SOS1: variants seen among roughly 807,000 people sequenced by gnomAD.
SOS1 encodes the protein son of sevenless homolog 1.
SOS1 carries 25 observed loss-of-function variants against 157.6 expected under a neutral mutation model. The observed-to-expected ratio is 0.16, with a 90% CI of 0.12 to 0.22. The LOEUF (loss-of-function observed/expected upper bound fraction) is 0.22. Among genes scored for constraint, SOS1 ranks in the 10% least tolerant of loss-of-function variants. SOS1 has a pLI of 1.00. For missense variants in SOS1, 1,237 were observed against 1,599.1 expected (o/e 0.77, Z 3.86); for synonymous variants, 528 against 534.0 (o/e 0.99, Z 0.16).
At chr2:39,046,231 A>C (rs1670778837) in intron 6 of SOS1, among the ~76,000 whole-genome samples, 1 of 152,098 alleles carries the variant, frequency 6.6e-6, no homozygotes, top group Non-Finnish European at 1.5e-5. Flanking sequence ...TATAAGCTAC[A>C]GGTAGTATTT....
intron 2 of SOS1, among the ~76,000 whole-genome samples, chr2:39,062,434 TTAA>T: frequency 5.6e-5 from 1 of 17,822 alleles, no homozygotes; most frequent in African/African-American, 2.1e-4. Flanking sequence ...AAAAAAAAAA[TTAA>T]AAAAAAAAAG....
intron 6 of SOS1, among the ~76,000 whole-genome samples, chr2:39,039,330 A>AT (rs923158404): frequency 6.6e-6 from 1 of 152,160 alleles, no homozygotes; most frequent in Non-Finnish European, 1.5e-5. Context: ...ATGCATGAAT[A>AT]TTTTTTAGAG....
intron 8 of SOS1, among the ~76,000 whole-genome samples, chr2:39,032,623 A>G (rs1270608436): frequency 6.6e-6 from 1 of 152,180 alleles, no homozygotes; most frequent in Non-Finnish European, 1.5e-5. Context: ...TAAGGCAGAC[A>G]ATAAAAATGG....
At chr2:39,052,859 A>G (rs1671070311) in intron 5 of SOS1, among the ~76,000 whole-genome samples, 1 of 152,196 alleles carries the variant, frequency 6.6e-6, no homozygotes, top group South Asian at 2.1e-4. Flanking sequence ...TGTTATAAAG[A>G]ACTGCCAAAC....
intron 1 of SOS1, among the ~76,000 whole-genome samples, chr2:39,080,037 C>T (rs1028621819): frequency 6.6e-6 from 1 of 151,912 alleles, no homozygotes; most frequent in East Asian, 1.9e-4. Context: ...AGGATGGTTT[C>T]GGGATGATTC....
chr2:39,091,201 G>A (rs553037443), intron 1 of SOS1, among the ~76,000 whole-genome samples: 5 of 152,086 alleles, frequency 3.3e-5, no homozygotes, highest in Non-Finnish European at 7.4e-5. Context: ...CCTCTCAGGT[G>A]GGACCAACAC....
Position 39,098,328 on chromosome 2 carries a change from A to G in SOS1, c.87+22008T>C, listed in dbSNP as rs145304412. ...TCCAACATCTACTGTTGCTTACAAT[A>G]CTTTTCCTTGAGATTTTTCTGGAAG... On this transcript the variant is annotated intron_variant, in intron 1 of 22. Coordinates refer to ENST00000402219, the MANE Select transcript of SOS1 (RefSeq NM_005633.4). 8.0e-3 allele frequency: 2,070 copies of G among 259,984 alleles called. 11 individuals are homozygous for G. The highest frequency in any genetic ancestry group is 0.015 in the Middle Eastern group (19 of 1,292). 16.1% of individuals were successfully genotyped at this position (259,984 alleles called of 1,614,324 possible).
intron 1 of SOS1, among the ~76,000 whole-genome samples, chr2:39,069,126 A>C (rs1236535108): frequency 2.1e-5 from 3 of 141,232 alleles, no homozygotes; most frequent in African/African-American, 7.6e-5. Flanking sequence ...AAGGAGGAAC[A>C]CTTAAGGCCA....
intron 1 of SOS1, among the ~76,000 whole-genome samples, chr2:39,118,055 G>A (rs748182119): frequency 2.2e-4 from 34 of 152,158 alleles, no homozygotes; most frequent in Non-Finnish European, 4.6e-4. Flanking sequence ...TGTTCTCAAG[G>A]AGCATCCAAT....
rs1334850128 is a variant in SOS1, at chr2:39,017,553, AGTT to A, written c.1859-2710_1859-2708del. Among the ~76,000 whole-genome samples, 5 of 152,144 alleles carry A rather than the reference AGTT, an allele frequency of 3.3e-5. No individual in the cohort carries two copies. In the South Asian group the frequency reaches 8.3e-4, roughly 25 times the overall value. ...TCATGACTGTTGTATTAGGTTCTAG[AGTT>A]GTTTTTAGCTTGACTGGAATTAAGA... On this transcript the variant is annotated intron_variant, in intron 10 of 22. Transcript: ENST00000402219.
chr2:38,995,037 A>G (rs1668845572), intron 20 of SOS1, 86 bp downstream of exon 20: 2 of 1,134,224 alleles, frequency 1.8e-6, no homozygotes, highest in African/African-American at 1.5e-5. Flanking sequence ...GTTCACACAT[A>G]CAAAAAAATA....
chr2:38,998,240 T>TATA (rs1668964902), intron 17 of SOS1, among the ~76,000 whole-genome samples: 1 of 152,154 alleles, frequency 6.6e-6, no homozygotes, highest in East Asian at 1.9e-4. Flanking sequence ...CTTATTTTTT[T>TATA]TTTTATATTT....
At chr2:39,039,768 A>G (rs1466539069) in intron 6 of SOS1, among the ~76,000 whole-genome samples, 2 of 152,188 alleles carry the variant, frequency 1.3e-5, no homozygotes, top group Non-Finnish European at 2.9e-5. Context: ...CTATTTTGGA[A>G]TATTTTTATC....
intron 1 of SOS1, among the ~76,000 whole-genome samples, chr2:39,080,458 T>C (rs988162894): frequency 6.6e-6 from 1 of 152,272 alleles, no homozygotes; most frequent in South Asian, 2.1e-4. Flanking sequence ...AGCCTGGGGG[T>C]TGGGGACCCC....
chr2:39,046,152 C>T (rs1670775902), intron 6 of SOS1, among the ~76,000 whole-genome samples: 1 of 151,896 alleles, frequency 6.6e-6, no homozygotes, highest in South Asian at 2.1e-4. Flanking sequence ...TTGTTTGCTT[C>T]ATTCTTTCCT....
chr2:39,013,379 G>C, intron 13 of SOS1, 81 bp downstream of exon 13: 1 of 859,778 alleles, frequency 1.2e-6, no homozygotes, highest in Non-Finnish European at 2.0e-6. Context: ...ACATTACTGA[G>C]CCCCAATGAC....
Position 39,034,850 on chromosome 2 carries a change from A to C in SOS1, c.1074+362T>G, listed in dbSNP as rs990846176. 3 of 460,366 alleles carry C rather than the reference A, an allele frequency of 6.5e-6. No homozygotes were observed. The Admixed American group carries it at 7.0e-5, about 11-fold the overall frequency. The allele number at this position is 460,366 out of a possible 1,614,324, so 28.5% of individuals were successfully genotyped here. A position where few individuals can be genotyped will look rare whatever the true frequency, so the allele number is the denominator to read the frequency against. The stretch of plus-strand genomic sequence containing the variant: ...AGTCCCTGAGTCTGCTGAGGTCCCC[A>C]AATGGAAACTGCGATGCATAAATCC... On this transcript the variant is annotated intron_variant, in intron 8 of 22. Transcript: ENST00000402219.
At chr2:38,990,575 C>T (rs1236341058) in intron 20 of SOS1, among the ~76,000 whole-genome samples, 1 of 151,998 alleles carries the variant, frequency 6.6e-6, no homozygotes, top group Non-Finnish European at 1.5e-5. Context: ...TATATATGTC[C>T]CACTTTTCCT....
At chr2:39,067,582 C>T (rs1671633295) in intron 2 of SOS1, 46 bp downstream of exon 2, 2 of 1,569,030 alleles carry the variant, frequency 1.3e-6, no homozygotes, top group South Asian at 2.2e-5. Context: ...TTACAACCAA[C>T]ACACAAATTA....
Sources: gnomAD v4.1 joint callset for allele counts (sites outside exome capture counted in the v4.1 genomes callset) on GRCh38, gnomAD v4.1.1 for gene constraint, MANE v1.5 for transcripts, NCBI Gene and HGNC (gene_info 2026-07-23, HGNC 2026-07-21) for gene names.